Variants in SYT1 observed in about 807,000 individuals in gnomAD.
SYT1 encodes the protein synaptotagmin 1.
SYT1 carries 8 observed loss-of-function variants against 44.8 expected under a neutral mutation model. That is an observed-to-expected ratio of 0.18 (90% CI 0.10 to 0.32). The LOEUF is 0.32. Among genes scored for constraint, SYT1 ranks in the 10% least tolerant of loss-of-function variants. The pLI, the probability that SYT1 is intolerant of heterozygous loss-of-function variation, is 1.00. For missense variants in SYT1, 286 were observed against 509.3 expected (o/e 0.56, Z 4.22); for synonymous variants, 154 against 188.8 (o/e 0.82, Z 1.51).
At chr12:79,333,748 C>G (rs1021941926) in intron 8 of SYT1, among the ~76,000 whole-genome samples, 32 of 152,126 alleles carry the variant, frequency 2.1e-4, no homozygotes, top group African/African-American at 6.3e-4. Flanking sequence ...TTTCTCAACA[C>G]TTTTATGTTT....
At chr12:79,284,435 CTG>C in intron 4 of SYT1, among the ~76,000 whole-genome samples, 1 of 152,282 alleles carries the variant, frequency 6.6e-6, no homozygotes, top group South Asian at 2.1e-4. Flanking sequence ...AAACTCCCCT[CTG>C]TGTATTTATC....
At chr12:78,942,919 TA>T (rs35795305) in intron 1 of SYT1, among the ~76,000 whole-genome samples, 8,942 of 152,286 alleles carry the variant, frequency 0.059, 290 homozygotes, top group Admixed American at 0.089. Flanking sequence ...CATGCAAAGA[TA>T]ACTGGTTACA....
chr12:79,337,467 T>G (rs1882144307), intron 8 of SYT1, among the ~76,000 whole-genome samples: 1 of 152,164 alleles, frequency 6.6e-6, no homozygotes. Flanking sequence ...CAAGACCCCA[T>G]TTTCCCCATG....
intron 2 of SYT1, among the ~76,000 whole-genome samples, chr12:78,988,238 T>C (rs890458166): frequency 6.6e-6 from 1 of 151,754 alleles, no homozygotes; most frequent in African/African-American, 2.4e-5. Context: ...TACATTATAT[T>C]GGAGAAACAG....
chr12:79,107,446 A>G (rs1878781975), intron 3 of SYT1, among the ~76,000 whole-genome samples: 1 of 152,030 alleles, frequency 6.6e-6, no homozygotes. Flanking sequence ...ATATATACCA[A>G]CAAGGTATTT....
intron 1 of SYT1, among the ~76,000 whole-genome samples, chr12:78,879,774 C>G (rs974742293): frequency 9.9e-5 from 15 of 151,774 alleles, no homozygotes; most frequent in Non-Finnish European, 2.2e-4. Flanking sequence ...CATTATCTGG[C>G]CCTACGTATT....
intron 3 of SYT1, among the ~76,000 whole-genome samples, chr12:79,205,804 C>G (rs913684143): frequency 2.0e-5 from 3 of 152,096 alleles, no homozygotes; most frequent in Non-Finnish European, 4.4e-5. Context: ...GCTAGTTCTT[C>G]TGAAATTCAT....
chr12:79,317,689 T>G (rs929267263), intron 8 of SYT1, among the ~76,000 whole-genome samples: 1 of 152,252 alleles, frequency 6.6e-6, no homozygotes, highest in Admixed American at 6.5e-5. Context: ...AGTGCTCAAC[T>G]CACGTGTTGG....
intron 9 of SYT1, among the ~76,000 whole-genome samples, chr12:79,354,267 T>C (rs960916384): frequency 4.6e-5 from 7 of 152,192 alleles, no homozygotes. Context: ...CTTCCACGGT[T>C]GAACATAATT....
intron 8 of SYT1, among the ~76,000 whole-genome samples, chr12:79,322,645 T>C (rs965176244): frequency 1.1e-4 from 17 of 152,160 alleles, no homozygotes; most frequent in Non-Finnish European, 2.1e-4. Flanking sequence ...TCTCGGGGCG[T>C]TGGGCATTTC....
chr12:78,967,595 A>G (rs2137371451), intron 1 of SYT1, among the ~76,000 whole-genome samples: 1 of 152,278 alleles, frequency 6.6e-6, no homozygotes, highest in African/African-American at 2.4e-5. Flanking sequence ...ACACAAAATA[A>G]GAAAACTGTG....
At chr12:79,202,052 A>G (rs906201674) in intron 3 of SYT1, among the ~76,000 whole-genome samples, 1 of 152,164 alleles carries the variant, frequency 6.6e-6, no homozygotes, top group Admixed American at 6.5e-5. Context: ...AGCTCCATGT[A>G]TTGCTCTTGT....
In SYT1 at chr12:79,320,390, A is replaced by G. The variant is rs189104364; in HGVS notation, c.810+20839A>G. On this transcript the variant is annotated intron_variant, in intron 8 of 10. Coordinates refer to ENST00000261205, the MANE Select transcript of SYT1 (RefSeq NM_005639.3). ...TTGAAATCCAAATCTTTAATATTTT[A>G]AAGAATAAATTGCAGCATTTCTGCC... 2.7e-3 allele frequency among the ~76,000 whole-genome samples: 408 copies of G among 152,316 alleles called. 1 individual carries two copies. Among genetic ancestry groups the G allele is most frequent in the Non-Finnish European group, 5.0e-3 (340 of 68,020 alleles).
intron 2 of SYT1, among the ~76,000 whole-genome samples, chr12:79,023,438 A>T (rs1425359544): frequency 6.6e-6 from 1 of 151,708 alleles, no homozygotes; most frequent in Non-Finnish European, 1.5e-5. Context: ...GACCCACAGC[A>T]GGAAAAGTCA....
chr12:79,269,834 C>A (rs1345643786), intron 4 of SYT1, among the ~76,000 whole-genome samples: 1 of 152,130 alleles, frequency 6.6e-6, no homozygotes, highest in Non-Finnish European at 1.5e-5. Flanking sequence ...AAAGATACTT[C>A]AGTACCCTGG....
chr12:79,004,344 A>G (rs889783243), intron 2 of SYT1, among the ~76,000 whole-genome samples: 2 of 151,944 alleles, frequency 1.3e-5, no homozygotes, highest in South Asian at 4.1e-4. Flanking sequence ...GACTTCTCTT[A>G]TGTACCTGAT....
At chr12:79,402,361 C>T (rs1339682127) in intron 9 of SYT1, among the ~76,000 whole-genome samples, 1 of 152,080 alleles carries the variant, frequency 6.6e-6, no homozygotes, top group Non-Finnish European at 1.5e-5. Context: ...AAGCTTCAAG[C>T]TTTGGGAGAT....
intron 2 of SYT1, among the ~76,000 whole-genome samples, chr12:78,981,286 C>T (rs1292439613): frequency 6.6e-6 from 1 of 151,886 alleles, no homozygotes; most frequent in Non-Finnish European, 1.5e-5. Context: ...AGCCACCACA[C>T]CCAGCTAATT....
chr12:79,412,920 C>G (rs1868518643), intron 9 of SYT1, among the ~76,000 whole-genome samples: 1 of 152,102 alleles, frequency 6.6e-6, no homozygotes, highest in Non-Finnish European at 1.5e-5. Context: ...GTTAACTATG[C>G]CTTTGATCAC....
Sources: allele counts gnomAD v4.1 joint callset (sites outside exome capture counted in the v4.1 genomes callset), GRCh38; gene constraint gnomAD v4.1.1; transcripts MANE v1.5; gene names NCBI Gene and HGNC (gene_info 2026-07-23, HGNC 2026-07-21).